WWOX: variants seen among roughly 807,000 people sequenced by gnomAD.
WWOX encodes the protein WW domain containing oxidoreductase.
A neutral mutation model predicts 46.2 loss-of-function variants in WWOX; 69 were observed. That is an observed-to-expected ratio of 1.49 (90% CI 1.23 to 1.82). WWOX has a LOEUF of 1.82. WWOX is among the 40% of genes most tolerant of loss of function. WWOX has a pLI of 0.00. For synonymous variants in WWOX, 359 were observed against 202.6 expected, an observed-to-expected ratio of 1.77 and a Z score of -6.56; for missense variants, 919 against 542.6, an observed-to-expected ratio of 1.69 and a Z score of -6.89.
At chr16:78,178,577 G>C (rs1331281926) in intron 5 of WWOX, among the ~76,000 whole-genome samples, 1 of 152,132 alleles carries the variant, frequency 6.6e-6, no homozygotes, top group African/African-American at 2.4e-5. Context: ...TTTAAAAATA[G>C]ATAGCAGGCC....
At chr16:78,271,897 G>T (rs1203031513) in intron 5 of WWOX, among the ~76,000 whole-genome samples, 1 of 152,126 alleles carries the variant, frequency 6.6e-6, no homozygotes, top group Non-Finnish European at 1.5e-5. Context: ...ACACCTGTAT[G>T]GCCTTACGTT....
intron 8 of WWOX, among the ~76,000 whole-genome samples, chr16:79,022,155 G>T (rs975830047): frequency 1.3e-5 from 2 of 152,170 alleles, no homozygotes; most frequent in Non-Finnish European, 2.9e-5. Flanking sequence ...CAAGCAATTT[G>T]CTTTTGCTGG....
chr16:78,847,450 C>T (rs921882548), intron 8 of WWOX, among the ~76,000 whole-genome samples: 2 of 152,070 alleles, frequency 1.3e-5, no homozygotes, highest in South Asian at 2.1e-4. Context: ...TGTGTTTGTA[C>T]CTAATTCCAA....
At chr16:78,657,672 G>T (rs936594594) in intron 8 of WWOX, among the ~76,000 whole-genome samples, 3 of 152,144 alleles carry the variant, frequency 2.0e-5, no homozygotes, top group African/African-American at 7.2e-5. Flanking sequence ...GGATGTGATG[G>T]AAGTGATTCT....
At chr16:79,184,956 G>A (rs2050984307) in intron 8 of WWOX, among the ~76,000 whole-genome samples, 1 of 152,204 alleles carries the variant, frequency 6.6e-6, no homozygotes, top group Admixed American at 6.5e-5. Context: ...AAAGAGGGAT[G>A]AGGTTGAGTC....
At chr16:78,414,197 C>T (rs2082746491) in intron 6 of WWOX, among the ~76,000 whole-genome samples, 1 of 151,982 alleles carries the variant, frequency 6.6e-6, no homozygotes, top group Admixed American at 6.5e-5. Context: ...CCACCCAAAT[C>T]CTGTAAAACT....
chr16:78,244,911 T>G (rs563935372), intron 5 of WWOX, among the ~76,000 whole-genome samples: 1 of 152,206 alleles, frequency 6.6e-6, no homozygotes, highest in Non-Finnish European at 1.5e-5. Flanking sequence ...TACTCCAAAG[T>G]TGAAAAAAAG....
At chr16:78,431,212 A>G (rs986691658) in intron 7 of WWOX, among the ~76,000 whole-genome samples, 5 of 152,232 alleles carry the variant, frequency 3.3e-5, no homozygotes, top group Admixed American at 1.3e-4. Context: ...TAAAGCATCA[A>G]CTAGTTACGT....
At chr16:78,226,518 C>G (rs922812243) in intron 5 of WWOX, among the ~76,000 whole-genome samples, 34 of 137,058 alleles carry the variant, frequency 2.5e-4, no homozygotes, top group Admixed American at 1.6e-3. Context: ...TCCTTCCTTC[C>G]TTCTCTCCTT....
chr16:78,597,329 G>C (rs1160919738), intron 8 of WWOX, among the ~76,000 whole-genome samples: 1 of 152,126 alleles, frequency 6.6e-6, no homozygotes, highest in Non-Finnish European at 1.5e-5. Flanking sequence ...GCCGGGCACT[G>C]TACTTGGGGC....
At chr16:78,452,358 T>A (rs2083711179) in intron 8 of WWOX, among the ~76,000 whole-genome samples, 1 of 152,190 alleles carries the variant, frequency 6.6e-6, no homozygotes, top group South Asian at 2.1e-4. Context: ...TCATGCAGTC[T>A]GCCAGCAGAC....
chr16:78,329,919 T>C (rs1385372807), intron 5 of WWOX, among the ~76,000 whole-genome samples: 1 of 151,970 alleles, frequency 6.6e-6, no homozygotes, highest in African/African-American at 2.4e-5. Context: ...GCTAATCTTT[T>C]AGTTTTTGTA....
intron 6 of WWOX, among the ~76,000 whole-genome samples, chr16:78,400,927 G>A (rs901537908): frequency 5.3e-5 from 8 of 152,210 alleles, no homozygotes; most frequent in Non-Finnish European, 1.2e-4. Context: ...GGGTTCAAGT[G>A]ATCCTTCCAC....
intron 8 of WWOX, among the ~76,000 whole-genome samples, chr16:78,786,543 G>T (rs978963975): frequency 2.0e-4 from 31 of 152,122 alleles, no homozygotes; most frequent in Non-Finnish European, 4.3e-4. Context: ...TCTTTTAATT[G>T]TTTTATTGAG....
chr16:78,843,316 C>G (rs1007731735), intron 8 of WWOX, among the ~76,000 whole-genome samples: 11 of 150,128 alleles, frequency 7.3e-5, no homozygotes, highest in Non-Finnish European at 1.6e-4. Flanking sequence ...ACTTTTTGGG[C>G]TGGTAAAGCC....
In WWOX at chr16:78,767,301, TA is replaced by T. The variant is rs1008225422; in HGVS notation, c.1056+334550del. 3.2e-4 allele frequency among the ~76,000 whole-genome samples: 49 copies of T among 152,006 alleles called. 1 individual carries two copies. Among genetic ancestry groups the T allele is most frequent in the Non-Finnish European group, 6.2e-4 (42 of 67,972 alleles). On this transcript the variant is annotated intron_variant, in intron 8 of 8. Transcript: ENST00000566780. ...GGCTTTTTAAATTTATTTTTATTAT[TA>T]TTTTTTTATTTTTAGTAGAGACAGA...
At chr16:78,498,973 C>T (rs1317167349) in intron 8 of WWOX, among the ~76,000 whole-genome samples, 6 of 152,150 alleles carry the variant, frequency 3.9e-5, no homozygotes. Context: ...TATGAAGGCT[C>T]AAGGAATACT....
chr16:78,799,312 G>T (rs978809744), intron 8 of WWOX, among the ~76,000 whole-genome samples: 1 of 152,154 alleles, frequency 6.6e-6, no homozygotes, highest in Non-Finnish European at 1.5e-5. Context: ...GAAAACCCCA[G>T]GGTAGATGCT....
chr16:78,355,789 G>A (rs919182086), intron 5 of WWOX: 14 of 721,370 alleles, frequency 1.9e-5, no homozygotes, highest in South Asian at 1.9e-4. Context: ...TCTTTCTCCG[G>A]GGAGATGGCA....
Sources: gnomAD v4.1 joint callset for allele counts (sites outside exome capture counted in the v4.1 genomes callset) on GRCh38, gnomAD v4.1.1 for gene constraint, MANE v1.5 for transcripts, NCBI Gene and HGNC (gene_info 2026-07-23, HGNC 2026-07-21) for gene names.